LRRTM4: variants seen among roughly 807,000 people sequenced by gnomAD.
LRRTM4 encodes the protein leucine-rich repeat transmembrane neuronal protein 4.
LRRTM4 carries 25 observed loss-of-function variants against 47.6 expected under a neutral mutation model. The ratio of observed to expected loss-of-function variants is 0.53; its 90% confidence interval spans 0.38 to 0.73. The LOEUF is 0.73. LRRTM4 is among the 30% of genes least tolerant of loss of function. The probability of loss-of-function intolerance (pLI) is 0.00; values close to 1 mark genes in which losing one functional copy is unlikely to be tolerated. For missense variants in LRRTM4, 638 were observed against 713.4 expected (o/e 0.89, Z 1.20); for synonymous variants, 311 against 269.5 (o/e 1.15, Z -1.51).
intron 3 of LRRTM4, among the ~76,000 whole-genome samples, chr2:76,892,018 T>C (rs1264911263): frequency 6.6e-6 from 1 of 151,690 alleles, no homozygotes; most frequent in Non-Finnish European, 1.5e-5. Flanking sequence ...AATTGCAGAA[T>C]AGCCTGTATC....
At chr2:76,774,325 G>A (rs527334325) in intron 3 of LRRTM4, among the ~76,000 whole-genome samples, 3 of 151,980 alleles carry the variant, frequency 2.0e-5, no homozygotes, top group South Asian at 4.2e-4. Flanking sequence ...CCTAGTAGCT[G>A]GGATTACAGG....
intron 3 of LRRTM4, among the ~76,000 whole-genome samples, chr2:77,300,993 CT>C (rs1035302873): frequency 1.3e-4 from 20 of 151,990 alleles, no homozygotes; most frequent in African/African-American, 4.1e-4. Context: ...GATAGATGCA[CT>C]TTTTTTCTTT....
intron 3 of LRRTM4, among the ~76,000 whole-genome samples, chr2:77,459,769 A>G (rs1420518777): frequency 1.3e-5 from 2 of 151,836 alleles, no homozygotes; most frequent in Non-Finnish European, 2.9e-5. Context: ...CAAAAAAAAA[A>G]AAAAAAAGAA....
intron 3 of LRRTM4, among the ~76,000 whole-genome samples, chr2:77,449,425 G>T: frequency 6.6e-6 from 1 of 152,150 alleles, no homozygotes; most frequent in East Asian, 1.9e-4. Flanking sequence ...GAGTGGATAT[G>T]TGTCATTTTT....
intron 3 of LRRTM4, among the ~76,000 whole-genome samples, chr2:77,246,157 T>G (rs1675440599): frequency 6.6e-6 from 1 of 152,178 alleles, no homozygotes; most frequent in South Asian, 2.1e-4. Context: ...ACAAAACAAT[T>G]TATTTCTCTA....
intron 3 of LRRTM4, among the ~76,000 whole-genome samples, chr2:76,793,966 A>G (rs1410635629): frequency 1.3e-5 from 2 of 152,200 alleles, no homozygotes; most frequent in South Asian, 2.1e-4. Context: ...TGGTGCAACA[A>G]TGTCCCACTT....
At chr2:77,093,432 T>C (rs1350987013) in intron 3 of LRRTM4, among the ~76,000 whole-genome samples, 1 of 151,360 alleles carries the variant, frequency 6.6e-6, no homozygotes, top group Non-Finnish European at 1.5e-5. Flanking sequence ...TGACCAATCA[T>C]TCTATACGAC....
chr2:77,086,179 T>C (rs1327093420), intron 3 of LRRTM4, among the ~76,000 whole-genome samples: 1 of 152,178 alleles, frequency 6.6e-6, no homozygotes, highest in Non-Finnish European at 1.5e-5. Flanking sequence ...TACACACTTA[T>C]ACTAATTCAC....
chr2:77,457,519 T>C (rs1676608891), intron 3 of LRRTM4, among the ~76,000 whole-genome samples: 1 of 152,122 alleles, frequency 6.6e-6, no homozygotes, highest in Admixed American at 6.6e-5. Context: ...GCAGTCAGAA[T>C]AATATTTTCA....
At chr2:76,878,589 C>T (rs138974228) in intron 3 of LRRTM4, among the ~76,000 whole-genome samples, 126 of 152,108 alleles carry the variant, frequency 8.3e-4, no homozygotes, top group South Asian at 1.7e-3. Context: ...ACTTGCCAGG[C>T]GCAGTGGCTC....
intron 3 of LRRTM4, among the ~76,000 whole-genome samples, chr2:77,099,929 G>A (rs1410420352): frequency 6.6e-6 from 1 of 152,256 alleles, no homozygotes; most frequent in East Asian, 1.9e-4. Flanking sequence ...AAGTGCAGGT[G>A]TATAACTTTC....
At chr2:77,450,518 T>C (rs973843875) in intron 3 of LRRTM4, among the ~76,000 whole-genome samples, 2 of 152,296 alleles carry the variant, frequency 1.3e-5, no homozygotes, top group African/African-American at 4.8e-5. Context: ...CTAAATACTT[T>C]TTGTTTATAA....
At chr2:77,126,580 T>G (rs1671658027) in intron 3 of LRRTM4, among the ~76,000 whole-genome samples, 1 of 152,190 alleles carries the variant, frequency 6.6e-6, no homozygotes, top group Non-Finnish European at 1.5e-5. Flanking sequence ...GTTCCCTTCA[T>G]GGGAAATCAA....
intron 3 of LRRTM4, among the ~76,000 whole-genome samples, chr2:76,762,263 C>A (rs1167887487): frequency 6.6e-6 from 1 of 152,160 alleles, no homozygotes; most frequent in African/African-American, 2.4e-5. Context: ...TTGACATACT[C>A]CAGGGGAGTT....
At chr2:76,912,634 C>T (rs1049023650) in intron 3 of LRRTM4, among the ~76,000 whole-genome samples, 3 of 152,164 alleles carry the variant, frequency 2.0e-5, no homozygotes, top group African/African-American at 7.2e-5. Flanking sequence ...GATCTGTGTC[C>T]TCACCCAAAT....
intron 3 of LRRTM4, among the ~76,000 whole-genome samples, chr2:77,019,894 G>C (rs944281776): frequency 6.6e-6 from 1 of 152,028 alleles, no homozygotes; most frequent in Admixed American, 6.6e-5. Flanking sequence ...GTGGGTGAAG[G>C]TTGAAAGAAT....
intron 3 of LRRTM4, among the ~76,000 whole-genome samples, chr2:76,802,878 T>C (rs1675774414): frequency 6.6e-6 from 1 of 152,118 alleles, no homozygotes; most frequent in Non-Finnish European, 1.5e-5. Context: ...TAAATAGTGT[T>C]GGGGCTATTG....
chr2:77,339,964 G>A (rs931803044), intron 3 of LRRTM4, among the ~76,000 whole-genome samples: 1 of 151,820 alleles, frequency 6.6e-6, no homozygotes, highest in Non-Finnish European at 1.5e-5. Flanking sequence ...AAACTTAAAG[G>A]CTATAAATCT....
chr2:77,414,178 ATC>A (rs1443759128), intron 3 of LRRTM4, among the ~76,000 whole-genome samples: 5 of 151,714 alleles, frequency 3.3e-5, no homozygotes, highest in Non-Finnish European at 7.4e-5. Context: ...CTTCCTGTAT[ATC>A]TCTCTCTTTT....
Sources: allele counts gnomAD v4.1 joint callset (sites outside exome capture counted in the v4.1 genomes callset), GRCh38; gene constraint gnomAD v4.1.1; transcripts MANE v1.5; gene names NCBI Gene and HGNC (gene_info 2026-07-23, HGNC 2026-07-21).